LRBA: variants seen among roughly 807,000 people sequenced by gnomAD.
The protein encoded by LRBA is LPS responsive beige-like anchor protein, also known as lipopolysaccharide-responsive and beige-like anchor protein.
Under a neutral mutation model 330.0 loss-of-function variants are expected in LRBA, and 176 were observed. The ratio of observed to expected loss-of-function variants is 0.53; its 90% CI spans 0.47 to 0.60. The LOEUF is 0.60. Among genes scored for constraint, LRBA ranks in the 20% least tolerant of loss-of-function variants. The pLI is 0.00. For synonymous variants in LRBA, 1,230 were observed against 1,193.0 expected (o/e 1.03, Z -0.64); for missense variants, 3,259 against 3,444.8 (o/e 0.95, Z 1.35).
intron 2 of LRBA, among the ~76,000 whole-genome samples, chr4:151,005,302 A>T (rs1743884317): frequency 6.6e-6 from 1 of 151,682 alleles, no homozygotes; most frequent in Non-Finnish European, 1.5e-5. Flanking sequence ...AAAATTAGCC[A>T]GGGGTGGTGG....
At chr4:150,537,805 A>G (rs1764831971) in intron 40 of LRBA, among the ~76,000 whole-genome samples, 1 of 152,040 alleles carries the variant, frequency 6.6e-6, no homozygotes, top group Admixed American at 6.5e-5. Flanking sequence ...AAATACAAAA[A>G]TTAGCCAGGC....
At chr4:150,688,351 C>A (rs577149110) in intron 36 of LRBA, among the ~76,000 whole-genome samples, 1 of 152,154 alleles carries the variant, frequency 6.6e-6, no homozygotes, top group East Asian at 1.9e-4. Context: ...CATAAAAACC[C>A]TAGAAGAAAA....
intron 17 of LRBA, among the ~76,000 whole-genome samples, chr4:150,884,055 T>A (rs1728686135): frequency 6.6e-6 from 1 of 152,232 alleles, no homozygotes; most frequent in South Asian, 2.1e-4. Context: ...GCCTTATTAA[T>A]GAGACTACTC....
At chr4:150,794,687 A>C (rs1014320309) in intron 34 of LRBA, among the ~76,000 whole-genome samples, 2 of 152,180 alleles carry the variant, frequency 1.3e-5, no homozygotes, top group Non-Finnish European at 2.9e-5. Flanking sequence ...TATTTTGTTG[A>C]AAAATTTTTT....
At chr4:150,780,053 G>A (rs902297692) in intron 34 of LRBA, among the ~76,000 whole-genome samples, 8 of 152,222 alleles carry the variant, frequency 5.3e-5, no homozygotes, top group Non-Finnish European at 1.0e-4. Flanking sequence ...AATTAAACAT[G>A]TGGTAAATAA....
At chr4:150,435,351 CAAAACAAAAACA>C (rs539459518) in intron 46 of LRBA, among the ~76,000 whole-genome samples, 51 of 151,542 alleles carry the variant, frequency 3.4e-4, no homozygotes, top group African/African-American at 5.3e-4. Flanking sequence ...ACTCTGTCTC[CAAAACAAAAACA>C]AAAACAAAAA....
At chr4:150,349,684 T>C (rs1258032729) in intron 48 of LRBA, among the ~76,000 whole-genome samples, 1 of 152,076 alleles carries the variant, frequency 6.6e-6, no homozygotes, top group Non-Finnish European at 1.5e-5. Context: ...TAATGAATTA[T>C]TACTATTTTC....
At chr4:150,744,235 C>A (rs1732398438) in intron 35 of LRBA, among the ~76,000 whole-genome samples, 1 of 152,088 alleles carries the variant, frequency 6.6e-6, no homozygotes, top group South Asian at 2.1e-4. Flanking sequence ...CTTAATTTCC[C>A]TCTAGAGACC....
intron 47 of LRBA, among the ~76,000 whole-genome samples, chr4:150,391,605 G>A (rs543350755): frequency 6.6e-6 from 1 of 152,182 alleles, no homozygotes; most frequent in Admixed American, 6.5e-5. Context: ...TGTCATATAC[G>A]TGACAGGAAC....
intron 56 of LRBA, among the ~76,000 whole-genome samples, chr4:150,276,514 T>A (rs1356296404): frequency 6.6e-6 from 1 of 152,168 alleles, no homozygotes; most frequent in Non-Finnish European, 1.5e-5. Context: ...GGAGAAAATT[T>A]TTGCAATCTA....
At chr4:150,645,685 C>G (rs1160579712) in intron 37 of LRBA, among the ~76,000 whole-genome samples, 1 of 151,866 alleles carries the variant, frequency 6.6e-6, no homozygotes, top group Non-Finnish European at 1.5e-5. Flanking sequence ...TATATAAATG[C>G]CTTCCAAGAG....
chr4:150,573,229 C>G (rs1026198986), intron 40 of LRBA, among the ~76,000 whole-genome samples: 25 of 152,180 alleles, frequency 1.6e-4, no homozygotes, highest in Non-Finnish European at 3.2e-4. Flanking sequence ...TTCACGCCAA[C>G]AAGGGTGTTA....
intron 2 of LRBA, among the ~76,000 whole-genome samples, chr4:150,944,302 C>T (rs1736003291): frequency 6.6e-6 from 1 of 152,156 alleles, no homozygotes; most frequent in Non-Finnish European, 1.5e-5. Context: ...ATTCCTGTAT[C>T]ATAAATTTTT....
At chr4:150,540,398 T>C (rs1765187895) in intron 40 of LRBA, among the ~76,000 whole-genome samples, 1 of 152,206 alleles carries the variant, frequency 6.6e-6, no homozygotes, top group Admixed American at 6.5e-5. Flanking sequence ...TTTCACCATG[T>C]TGGCCAGGCT....
intron 31 of LRBA, among the ~76,000 whole-genome samples, chr4:150,816,743 T>C (rs1744656951): frequency 6.6e-6 from 1 of 151,824 alleles, no homozygotes; most frequent in Admixed American, 6.6e-5. Flanking sequence ...TGACAACCAG[T>C]AACCACATTA....
chr4:150,959,798 A>C lies in LRBA; in HGVS notation c.217-30733T>G, dbSNP rs1433545424. The stretch of plus-strand genomic sequence containing the variant: ...TATTATATTATCTATAATTATATAT[A>C]AAGAACATATAAAAAGTATATAAAT... On this transcript the variant is annotated intron_variant, in intron 2 of 56. Transcript: ENST00000651943. Among the ~76,000 whole-genome samples the C allele has an allele frequency of 7.5e-5, 11 of 145,698 alleles. 3 individuals carry two copies. Among genetic ancestry groups the C allele is most frequent in the African/African-American group, 2.9e-4 (11 of 38,162 alleles).
At chr4:150,753,557 A>T (rs1412001667) in intron 35 of LRBA, among the ~76,000 whole-genome samples, 1 of 152,178 alleles carries the variant, frequency 6.6e-6, no homozygotes, top group Non-Finnish European at 1.5e-5. Context: ...ACATCTATAC[A>T]AACATAAGCA....
chr4:150,956,924 A>T (rs547924576), intron 2 of LRBA, among the ~76,000 whole-genome samples: 1 of 149,354 alleles, frequency 6.7e-6, no homozygotes, highest in Admixed American at 6.6e-5. Context: ...TGGAAGTATC[A>T]CTATGAACCA....
chr4:150,938,719 T>C (rs1250588414), intron 2 of LRBA, among the ~76,000 whole-genome samples: 1 of 152,172 alleles, frequency 6.6e-6, no homozygotes, highest in Non-Finnish European at 1.5e-5. Flanking sequence ...AGGTGTCTTA[T>C]GTTGAAGATA....
Sources: gnomAD v4.1 joint callset for allele counts (sites outside exome capture counted in the v4.1 genomes callset) on GRCh38, gnomAD v4.1.1 for gene constraint, MANE v1.5 for transcripts, NCBI Gene and HGNC (gene_info 2026-07-23, HGNC 2026-07-21) for gene names.